Variants in MRNIP observed in about 807,000 individuals in gnomAD.
MRNIP encodes the protein MRN complex interacting protein, also known as MRN complex-interacting protein.
MRNIP carries 30 observed loss-of-function variants against 29.8 expected under a neutral mutation model. That is an observed-to-expected ratio of 1.01 (90% CI 0.75 to 1.36). The LOEUF is 1.36. MRNIP is among the 40% of genes most tolerant of loss of function. The pLI is 0.00. For missense variants in MRNIP, 459 were observed against 423.5 expected (o/e 1.08, Z -0.74); for synonymous variants, 201 against 164.1 (o/e 1.23, Z -1.72).
rs146092066 is a variant in MRNIP, at chr5:179,837,615, G to A, written c.808C>T (p.Gln270Ter). 1,023 of 1,614,212 alleles carry A rather than the reference G, an allele frequency of 6.3e-4. 1 individual carries two copies. Among genetic ancestry groups the A allele is most frequent in the Middle Eastern group, 1.6e-3 (10 of 6,062 alleles). ...AQAKQGTPRA[Q>*]ASREGLSRPT... Reference sequence around the variant, plus strand: ...CTGCTGAGGCCTTCTCTTGAGGCCTGTGCTCTGGGGGTCCCTTGCTTAGCC... The same window carrying A: ...CTGCTGAGGCCTTCTCTTGAGGCCTATGCTCTGGGGGTCCCTTGCTTAGCC... The change falls in exon 7 of 7, where the codon CAG becomes TAG. Residue 270 changes from glutamine (Q) to a stop codon, truncating the protein, a stop_gained. Coordinates refer to ENST00000292586, the MANE Select transcript of MRNIP (RefSeq NM_016175.4). LOFTEE classifies it low-confidence loss of function (END_TRUNC).
chr5:179,851,757 T>A (rs940478804), intron 2 of MRNIP, among the ~76,000 whole-genome samples: 4 of 152,038 alleles, frequency 2.6e-5, no homozygotes, highest in African/African-American at 9.7e-5. Context: ...GGTGGGCAGA[T>A]CACGAGGTCA....
chr5:179,854,854 C>T (rs371678668), intron 1 of MRNIP, among the ~76,000 whole-genome samples: 27 of 152,296 alleles, frequency 1.8e-4, no homozygotes, highest in African/African-American at 6.0e-4. Context: ...GATGTGTTCT[C>T]TCTTAACATA....
At position 179,840,556 on chromosome 5, in the gene MRNIP, C is replaced by T. The variant is rs144281681; in HGVS notation, c.537+316G>A. On this transcript the variant is annotated intron_variant, in intron 6 of 6. Transcript: ENST00000292586. The stretch of plus-strand genomic sequence containing the variant: ...CGACTCCTGCCCGGACAAAGGTCCC[C>T]GTGCTCCACGCAGAATGAGACGATG... 8.4e-4 allele frequency: 420 copies of T among 497,256 alleles called. 1 individual carries two copies. The highest frequency in any genetic ancestry group is 1.6e-3 in the Middle Eastern group (3 of 1,928). 30.8% of individuals were successfully genotyped at this position (497,256 alleles called of 1,614,324 possible).
intron 1 of MRNIP, among the ~76,000 whole-genome samples, chr5:179,858,011 CA>C (rs762726244): frequency 1.3e-3 from 100 of 77,266 alleles, no homozygotes; most frequent in Middle Eastern, 0.016. Flanking sequence ...AACTCCGTCT[CA>C]AAAAAAAAAA....
intron 3 of MRNIP, 156 bp from the exon 4 acceptor site, chr5:179,844,383 C>A: frequency 1.7e-6 from 1 of 585,042 alleles, no homozygotes; most frequent in East Asian, 3.1e-5. Flanking sequence ...TGGTGCATAC[C>A]TATATTCCCA....
intron 1 of MRNIP, among the ~76,000 whole-genome samples, chr5:179,854,454 G>A (rs915035308): frequency 5.9e-5 from 9 of 152,154 alleles, no homozygotes; most frequent in Non-Finnish European, 1.3e-4. Context: ...TAACAAGTCC[G>A]GGTTGGTGCT....
At chr5:179,850,023 C>T (rs1466085887) in intron 2 of MRNIP, among the ~76,000 whole-genome samples, 1 of 151,182 alleles carries the variant, frequency 6.6e-6, no homozygotes, top group Non-Finnish European at 1.5e-5. Flanking sequence ...GGCTCAGGTC[C>T]CGCTATCGCA....
chr5:179,844,550 G>T (rs1292034699), intron 3 of MRNIP, among the ~76,000 whole-genome samples: 1 of 152,110 alleles, frequency 6.6e-6, no homozygotes, highest in Non-Finnish European at 1.5e-5. Flanking sequence ...AGCCTCCTGA[G>T]TATCTGGGAC....
chr5:179,858,697 CGGA>C (rs760778471), intron 1 of MRNIP, 31 bp downstream of exon 1: 608 of 1,358,922 alleles, frequency 4.5e-4, no homozygotes, highest in Admixed American at 6.9e-4. Context: ...GTCCCCGCGC[CGGA>C]GGAGGAGGAG....
At chr5:179,844,683 C>T (rs1759057110) in intron 3 of MRNIP, among the ~76,000 whole-genome samples, 1 of 152,140 alleles carries the variant, frequency 6.6e-6, no homozygotes, top group South Asian at 2.1e-4. Flanking sequence ...ACCTCGGCCT[C>T]CCAAAGTGCT....
rs1436138223 is a variant in MRNIP, at chr5:179,837,654, C to A, written c.769G>T (p.Ala257Ser). The change falls in exon 7 of 7, where the codon GCT becomes TCT. Residue 257 changes from alanine (A) to serine (S), a missense_variant. By Grantham distance (99) the Ala-to-Ser change is moderately conservative (BLOSUM62 1). Transcript: ENST00000292586. ...CCTTGCTTAGCCTGTGCTGGACCAGCTGGCCTGGGGTCCCTCTGAAGAGAC... is the reference window on the plus strand; with the variant it reads ...CCTTGCTTAGCCTGTGCTGGACCAGATGGCCTGGGGTCCCTCTGAAGAGAC... ...PRSLQRDPRP[A>S]GPAQAKQGTP... 2 of 1,614,230 alleles carry A rather than the reference C, an allele frequency of 1.2e-6. No homozygotes were observed. The highest frequency in any genetic ancestry group is 1.1e-5 in the South Asian group (1 of 91,084).
intron 4 of MRNIP, 122 bp from the exon 5 acceptor site, chr5:179,842,186 A>G (rs949949999): frequency 1.0e-6 from 1 of 970,962 alleles, no homozygotes; most frequent in Non-Finnish European, 1.6e-6. Context: ...ACTCTAGGAA[A>G]GGCACCGGCT....
chr5:179,858,024 A>G (rs1582062556), intron 1 of MRNIP, among the ~76,000 whole-genome samples: 2 of 141,096 alleles, frequency 1.4e-5, no homozygotes, highest in East Asian at 4.8e-4. Context: ...AAAAAAAAAA[A>G]AAAGAAGAAG....
At chr5:179,854,315 T>C (rs55920097) in intron 1 of MRNIP, among the ~76,000 whole-genome samples, 23,007 of 152,184 alleles carry the variant, frequency 0.15, 4,389 homozygotes, top group African/African-American at 0.45. Context: ...CCACCAGGGC[T>C]GGATCTGGCC....
intron 2 of MRNIP, 166 bp downstream of exon 2, chr5:179,853,212 T>C (rs1167699628): frequency 6.5e-7 from 1 of 1,536,528 alleles, no homozygotes; most frequent in Non-Finnish European, 8.7e-7. Flanking sequence ...CAGATTCTGC[T>C]CCATCCATTT....
intron 1 of MRNIP, among the ~76,000 whole-genome samples, chr5:179,857,502 T>C (rs1189217018): frequency 3.9e-5 from 6 of 151,932 alleles, no homozygotes; most frequent in Non-Finnish European, 8.8e-5. Flanking sequence ...AAACGGAAAA[T>C]TTGTTTTTAA....
At chr5:179,845,060 G>A (rs1052756842) in intron 3 of MRNIP, among the ~76,000 whole-genome samples, 3 of 152,076 alleles carry the variant, frequency 2.0e-5, no homozygotes, top group Admixed American at 6.6e-5. Context: ...TAACCTCCAC[G>A]TCTCTCAACT....
chr5:179,838,808 C>G (rs1165454568), intron 6 of MRNIP: 2 of 152,116 alleles, frequency 1.3e-5, no homozygotes, highest in South Asian at 2.1e-4. Flanking sequence ...GTGAAACCCC[C>G]TCTTCTACAA....
chr5:179,841,929 T>G lies in MRNIP; in HGVS notation c.427A>C (p.Ser143Arg). The change falls in exon 5 of 7, where the codon AGT (serine) becomes CGT (arginine). Residue 143 changes from serine to arginine, a missense_variant. Transcript: ENST00000292586. ...TACCTTTTTCTAGGCAGGTCTTGAC[T>G]GAAGCGGGGGCCTGGCTCCTCCATT... ...SKMEEPGPRF[S>R]QDLPRKRKWS... The G allele has an allele frequency of 6.2e-7, 1 of 1,614,010 alleles. No homozygotes were observed. Among genetic ancestry groups the G allele is most frequent in the Non-Finnish European group, 8.5e-7 (1 of 1,180,020 alleles).
Sources: allele counts gnomAD v4.1 joint callset (sites outside exome capture counted in the v4.1 genomes callset), GRCh38; gene constraint gnomAD v4.1.1; transcripts MANE v1.5; gene names NCBI Gene and HGNC (gene_info 2026-07-23, HGNC 2026-07-21).